PCDH15: variants seen among roughly 807,000 people sequenced by gnomAD.
PCDH15 encodes the protein protocadherin-15.
PCDH15 carries 129 observed loss-of-function variants against 178.5 expected under a neutral mutation model. The ratio of observed to expected loss-of-function variants is 0.72; its 90% CI spans 0.63 to 0.84. PCDH15 has a LOEUF of 0.84. Ranked by LOEUF, PCDH15 falls within the 40% of genes least tolerant of loss-of-function variation. PCDH15 has a pLI of 0.00. For missense variants in PCDH15, 2,230 were observed against 2,099.9 expected (o/e 1.06, Z -1.21); for synonymous variants, 800 against 732.0 (o/e 1.09, Z -1.50).
At chr10:53,889,517 A>G (rs1021501385) in intron 26 of PCDH15, among the ~76,000 whole-genome samples, 2 of 151,388 alleles carry the variant, frequency 1.3e-5, no homozygotes, top group Middle Eastern at 3.2e-3. Flanking sequence ...AGAAACCATC[A>G]CATGTTCATC....
rs547699331 is a variant in PCDH15 at position 54,117,392 on chromosome 10, A to T, written c.1917+15483T>A. 3.2e-4 allele frequency among the ~76,000 whole-genome samples: 48 copies of T among 152,224 alleles called. No individual in the cohort carries two copies. In the South Asian group the frequency reaches 9.7e-3, roughly 31 times the overall value. ...TGCCAGGAACTGCAGAACCCCAAGG[A>T]GGGTGTCACAGCCCTGGTTTGGGGA... On this transcript the variant is annotated intron_variant, in intron 15 of 37. Transcript: ENST00000644397.
At chr10:54,437,807 T>C (rs976979710) in intron 3 of PCDH15, among the ~76,000 whole-genome samples, 18 of 152,190 alleles carry the variant, frequency 1.2e-4, no homozygotes, top group African/African-American at 4.3e-4. Context: ...TTGTTTTATT[T>C]TTATAATTCT....
intron 10 of PCDH15, among the ~76,000 whole-genome samples, chr10:54,210,154 G>A (rs998020214): frequency 2.6e-5 from 4 of 151,872 alleles, no homozygotes; most frequent in Non-Finnish European, 5.9e-5. Flanking sequence ...ACAAAGGTGT[G>A]ACATTTTTTC....
intron 18 of PCDH15, among the ~76,000 whole-genome samples, chr10:54,036,808 T>C (rs1367154902): frequency 6.6e-6 from 1 of 151,968 alleles, no homozygotes; most frequent in Non-Finnish European, 1.5e-5. Context: ...ATTCCTCTGA[T>C]GGATCTGCGC....
At chr10:55,431,103 A>G (rs1309928653) in intron 2 of PCDH15, among the ~76,000 whole-genome samples, 1 of 152,200 alleles carries the variant, frequency 6.6e-6, no homozygotes. Context: ...CAAAGAGTCA[A>G]TTTGGTGAGA....
intron 2 of PCDH15, among the ~76,000 whole-genome samples, chr10:54,950,373 A>T (rs1282362843): frequency 2.0e-5 from 3 of 151,990 alleles, no homozygotes; most frequent in Non-Finnish European, 4.4e-5. Flanking sequence ...GAGATGATTC[A>T]GTCATGGGGG....
At chr10:54,237,886 C>G (rs950476566) in intron 8 of PCDH15, among the ~76,000 whole-genome samples, 1 of 152,130 alleles carries the variant, frequency 6.6e-6, no homozygotes, top group African/African-American at 2.4e-5. Flanking sequence ...TACTGCAAAT[C>G]TTTTCAGACT....
intron 3 of PCDH15, among the ~76,000 whole-genome samples, chr10:54,443,852 G>T (rs1320518697): frequency 6.6e-6 from 1 of 151,538 alleles, no homozygotes; most frequent in Non-Finnish European, 1.5e-5. Flanking sequence ...TCTTTTCCCA[G>T]CTCATAATTT....
intron 1 of PCDH15, among the ~76,000 whole-genome samples, chr10:54,675,455 ATGT>A (rs1165960827): frequency 4.8e-4 from 65 of 134,230 alleles, no homozygotes; most frequent in African/African-American, 1.8e-3. Flanking sequence ...AGGCCTTTTC[ATGT>A]TGTTTTTTTT....
chr10:54,734,791 A>C (rs886774791), intron 1 of PCDH15, among the ~76,000 whole-genome samples: 3 of 152,016 alleles, frequency 2.0e-5, no homozygotes, highest in Non-Finnish European at 2.9e-5. Flanking sequence ...ATCCTAACTG[A>C]AAAAAGTCAG....
At chr10:55,109,778 C>T (rs1341654364) in intron 2 of PCDH15, among the ~76,000 whole-genome samples, 2 of 151,724 alleles carry the variant, frequency 1.3e-5, no homozygotes, top group Non-Finnish European at 2.9e-5. Flanking sequence ...TAATTGTTTC[C>T]AAATATACAT....
At chr10:55,305,435 T>C (rs7897484) in intron 1 of PCDH15, among the ~76,000 whole-genome samples, 47 of 152,156 alleles carry the variant, frequency 3.1e-4, no homozygotes, top group African/African-American at 1.1e-3. Flanking sequence ...AGAGGCAGAG[T>C]GGCATTGTCC....
chr10:54,076,684 A>G (rs2094348321), intron 17 of PCDH15, among the ~76,000 whole-genome samples: 1 of 152,168 alleles, frequency 6.6e-6, no homozygotes, highest in Admixed American at 6.5e-5. Context: ...AATCATTAAC[A>G]AAGAAAATTT....
At chr10:54,293,057 C>A (rs1184466207) in intron 8 of PCDH15, among the ~76,000 whole-genome samples, 1 of 152,190 alleles carries the variant, frequency 6.6e-6, no homozygotes, top group Non-Finnish European at 1.5e-5. Flanking sequence ...TGTAACCTGA[C>A]TTCAAACTAT....
chr10:54,630,787 A>G (rs750514789), intron 2 of PCDH15, among the ~76,000 whole-genome samples: 1 of 152,182 alleles, frequency 6.6e-6, no homozygotes, highest in Non-Finnish European at 1.5e-5. Flanking sequence ...GGAGCCTCTA[A>G]GGAACTTAAA....
intron 9 of PCDH15, 128 bp from the exon 10 acceptor site, chr10:54,214,176 T>A (rs1341501915): frequency 1.6e-6 from 1 of 627,538 alleles, no homozygotes; most frequent in African/African-American, 1.8e-5. Context: ...GTTTCACAAT[T>A]ATGCAGTTCA....
At chr10:55,295,297 AC>A (rs1454035538) in intron 1 of PCDH15, among the ~76,000 whole-genome samples, 4 of 152,244 alleles carry the variant, frequency 2.6e-5, no homozygotes, top group Non-Finnish European at 5.9e-5. Context: ...GTTTGAAACT[AC>A]AGTTTCAGCA....
intron 2 of PCDH15, among the ~76,000 whole-genome samples, chr10:55,607,209 C>T (rs1425849336): frequency 6.6e-6 from 1 of 151,412 alleles, no homozygotes; most frequent in Non-Finnish European, 1.5e-5. Context: ...TACCATCTCA[C>T]ACCAGTTAGA....
intron 20 of PCDH15, among the ~76,000 whole-genome samples, chr10:54,010,349 T>C (rs1415473151): frequency 6.6e-6 from 1 of 152,110 alleles, no homozygotes; most frequent in Non-Finnish European, 1.5e-5. Flanking sequence ...CCTGGGCTCT[T>C]GGGCCAGTAG....
Sources: allele counts gnomAD v4.1 joint callset (sites outside exome capture counted in the v4.1 genomes callset), GRCh38; gene constraint gnomAD v4.1.1; transcripts MANE v1.5; gene names NCBI Gene and HGNC (gene_info 2026-07-23, HGNC 2026-07-21).